The following MCTP1 variants were observed in gnomAD, a reference collection of about 807,000 sequenced individuals.
The protein encoded by MCTP1 is multiple C2 and transmembrane domain-containing protein 1.
MCTP1 carries 69 observed loss-of-function variants against 120.6 expected under a neutral mutation model. That is an observed-to-expected ratio of 0.57 (90% confidence interval 0.47 to 0.70). The LOEUF is 0.70. MCTP1 is among the 30% of genes least tolerant of loss of function. The pLI is 0.00. For missense variants in MCTP1, 1,203 were observed against 1,248.8 expected (o/e 0.96, Z 0.55); for synonymous variants, 529 against 493.1 (o/e 1.07, Z -0.96).
chr5:94,728,620 G>A (rs1762556675), intron 19 of MCTP1, among the ~76,000 whole-genome samples: 1 of 152,176 alleles, frequency 6.6e-6, no homozygotes, highest in African/African-American at 2.4e-5. Context: ...CCCAATAGGA[G>A]TTGATGTGGG....
chr5:95,160,082 T>C (rs1745551155), intron 1 of MCTP1, among the ~76,000 whole-genome samples: 1 of 152,214 alleles, frequency 6.6e-6, no homozygotes, highest in African/African-American at 2.4e-5. Flanking sequence ...GATCATGAAG[T>C]GCTTTGTATA....
intron 1 of MCTP1, among the ~76,000 whole-genome samples, chr5:95,281,942 T>C (rs1445036345): frequency 6.6e-6 from 1 of 152,236 alleles, no homozygotes; most frequent in East Asian, 1.9e-4. Context: ...GCTGTCATAA[T>C]GGAAAAAGAT....
intron 2 of MCTP1, among the ~76,000 whole-genome samples, chr5:95,016,287 A>C (rs1247517436): frequency 6.6e-6 from 1 of 152,056 alleles, no homozygotes; most frequent in Admixed American, 6.6e-5. Flanking sequence ...AAATGCTGGG[A>C]TTACAGGAAT....
rs149743432 is a variant in MCTP1 at position 94,912,916 on chromosome 5, T to G, written c.1411A>C (p.Ile471Leu). 6.2e-7 allele frequency: 1 copy of G among 1,605,582 alleles called. No individual in the cohort carries two copies. The highest frequency in any genetic ancestry group is 1.7e-5 in the Admixed American group (1 of 58,570). Residue 471 changes from isoleucine (I) to leucine (L), a missense_variant, in exon 9 of 23, where the codon ATA (isoleucine) becomes CTA (leucine). By Grantham distance (5) the Ile-to-Leu change is conservative. Transcript: ENST00000515393. ...CCTTCAATCAAGGTGATGCTGACTA[T>G]TCCTCTCCAAAGATGCGATTTTCTG... ...LHRKSHLWRG[I>L]VSITLIEGRD... is the part of the protein sequence containing the mutation.
chr5:95,263,205 A>C (rs1377265685), intron 1 of MCTP1, among the ~76,000 whole-genome samples: 2 of 152,190 alleles, frequency 1.3e-5, no homozygotes, highest in African/African-American at 4.8e-5. Context: ...AGACCTCCTA[A>C]TGTACTTCTA....
chr5:94,956,814 G>A (rs1822748587), intron 2 of MCTP1, among the ~76,000 whole-genome samples: 1 of 152,208 alleles, frequency 6.6e-6, no homozygotes, highest in Non-Finnish European at 1.5e-5. Flanking sequence ...GAAAGTGAAG[G>A]GGAGAATGGA....
chr5:95,065,914 A>T (rs1377736454), intron 1 of MCTP1, among the ~76,000 whole-genome samples: 2 of 152,206 alleles, frequency 1.3e-5, no homozygotes, highest in Admixed American at 1.3e-4. Flanking sequence ...CTACTAGAAG[A>T]CAACATAAGA....
intron 1 of MCTP1, among the ~76,000 whole-genome samples, chr5:95,126,388 GC>G (rs1758637682): frequency 6.6e-6 from 1 of 152,136 alleles, no homozygotes; most frequent in South Asian, 2.1e-4. Context: ...ATAAATAACA[GC>G]CACAGTGAAG....
chr5:95,100,344 A>G (rs970497000), intron 1 of MCTP1, among the ~76,000 whole-genome samples: 1 of 152,230 alleles, frequency 6.6e-6, no homozygotes, highest in Non-Finnish European at 1.5e-5. Flanking sequence ...ATATCAGCTA[A>G]ATATTTACCT....
chr5:95,229,737 T>C (rs1754700997), intron 1 of MCTP1, among the ~76,000 whole-genome samples: 1 of 147,670 alleles, frequency 6.8e-6, no homozygotes, highest in Non-Finnish European at 1.5e-5. Flanking sequence ...TGAGACTCCA[T>C]CTCAAAAAAA....
intron 1 of MCTP1, among the ~76,000 whole-genome samples, chr5:95,168,074 A>T (rs2152490144): frequency 6.6e-6 from 1 of 152,278 alleles, no homozygotes; most frequent in South Asian, 2.1e-4. Context: ...ATTTTTGTAT[A>T]AGGTGTAAAG....
intron 1 of MCTP1, among the ~76,000 whole-genome samples, chr5:95,157,046 G>A (rs886129398): frequency 5.9e-5 from 9 of 151,920 alleles, no homozygotes; most frequent in South Asian, 2.1e-4. Context: ...TAAAGTGCCC[G>A]GTATTCCTGT....
chr5:95,090,076 C>A (rs1488848718), intron 1 of MCTP1, among the ~76,000 whole-genome samples: 1 of 152,078 alleles, frequency 6.6e-6, no homozygotes, highest in Non-Finnish European at 1.5e-5. Context: ...CATCATGAAA[C>A]AATTTTAGGG....
intron 19 of MCTP1, among the ~76,000 whole-genome samples, chr5:94,777,374 C>A (rs1003967464): frequency 5.9e-5 from 9 of 152,100 alleles, no homozygotes; most frequent in African/African-American, 2.2e-4. Context: ...ACCAGGTGTG[C>A]CTATTTCTCA....
intron 2 of MCTP1, among the ~76,000 whole-genome samples, chr5:95,002,754 G>A (rs1307153251): frequency 6.6e-6 from 1 of 152,172 alleles, no homozygotes; most frequent in East Asian, 1.9e-4. Flanking sequence ...TAAGACTTTG[G>A]ACTTGGACTT....
intron 17 of MCTP1, among the ~76,000 whole-genome samples, chr5:94,808,832 CTT>C (rs1782878939): frequency 6.6e-6 from 1 of 152,042 alleles, no homozygotes; most frequent in African/African-American, 2.4e-5. Context: ...TATACTGAAA[CTT>C]TATTTATTGG....
rs1582539306 is a variant in MCTP1, at chr5:95,210,032, A to G, written c.720+73824T>C. On this transcript the variant is annotated intron_variant, in intron 1 of 22. Transcript: ENST00000515393. ...TCTAGTTTGATTGCACTGTGGTCTG[A>G]GAGATAGTTTGTTATAATTTCTGTT... 3.3e-5 allele frequency among the ~76,000 whole-genome samples: 5 copies of G among 152,270 alleles called. 1 individual carries two copies. Among genetic ancestry groups the G allele is most frequent in the Admixed American group, 3.3e-4 (5 of 15,290 alleles).
intron 19 of MCTP1, among the ~76,000 whole-genome samples, chr5:94,758,195 A>G (rs1291035790): frequency 6.6e-6 from 1 of 152,254 alleles, no homozygotes; most frequent in Admixed American, 6.5e-5. Flanking sequence ...GTACTCAAAT[A>G]TTAAGTGCAC....
At chr5:94,750,271 T>G (rs1443317959) in intron 19 of MCTP1, among the ~76,000 whole-genome samples, 2 of 152,208 alleles carry the variant, frequency 1.3e-5, no homozygotes, top group Non-Finnish European at 2.9e-5. Context: ...GCACTTTGCT[T>G]TTGTCATGTT....
Sources: gnomAD v4.1 joint callset for allele counts (sites outside exome capture counted in the v4.1 genomes callset) on GRCh38, gnomAD v4.1.1 for gene constraint, MANE v1.5 for transcripts, NCBI Gene and HGNC (gene_info 2026-07-23, HGNC 2026-07-21) for gene names.